The following SYT1 variants were observed in gnomAD, a reference collection of about 807,000 sequenced individuals.
SYT1 encodes synaptotagmin-1.
SYT1 carries 8 observed loss-of-function variants against 44.8 expected under a neutral mutation model. The observed-to-expected ratio is 0.18, with a 90% CI of 0.10 to 0.32. SYT1 has a LOEUF of 0.32. SYT1 is among the 10% of genes least tolerant of loss of function. The pLI, the probability that SYT1 is intolerant of heterozygous loss-of-function variation, is 1.00. For synonymous variants in SYT1, 154 were observed against 188.8 expected (o/e 0.82, Z 1.51); for missense variants, 286 against 509.3 (o/e 0.56, Z 4.22).
intron 1 of SYT1, among the ~76,000 whole-genome samples, chr12:78,929,762 A>T (rs983981522): frequency 6.6e-6 from 1 of 152,122 alleles, no homozygotes; most frequent in Non-Finnish European, 1.5e-5. Flanking sequence ...AACCTAAAAG[A>T]TTGTTCTGCA....
intron 3 of SYT1, among the ~76,000 whole-genome samples, chr12:79,070,006 A>T (rs990518483): frequency 2.6e-5 from 4 of 152,120 alleles, no homozygotes; most frequent in African/African-American, 7.2e-5. Flanking sequence ...GAGTGTTCAA[A>T]TGCCTTTCAT....
intron 8 of SYT1, among the ~76,000 whole-genome samples, chr12:79,301,758 A>T (rs1017229353): frequency 5.3e-5 from 8 of 152,040 alleles, no homozygotes; most frequent in African/African-American, 1.9e-4. Flanking sequence ...TATCTGTAGG[A>T]GTTATTAATG....
chr12:79,213,551 A>G (rs1874593929), intron 3 of SYT1, among the ~76,000 whole-genome samples: 1 of 152,272 alleles, frequency 6.6e-6, no homozygotes, highest in Admixed American at 6.5e-5. Flanking sequence ...CGGGTGCTCA[A>G]TAACTGTTAG....
chr12:79,225,306 C>G (rs1406999348), intron 4 of SYT1, among the ~76,000 whole-genome samples: 1 of 152,124 alleles, frequency 6.6e-6, no homozygotes, highest in Admixed American at 6.5e-5. Flanking sequence ...GTTAATTTGT[C>G]TGTCCACTTT....
At chr12:79,230,930 A>C (rs541281809) in intron 4 of SYT1, among the ~76,000 whole-genome samples, 1 of 152,296 alleles carries the variant, frequency 6.6e-6, no homozygotes, top group Admixed American at 6.5e-5. Flanking sequence ...ACACCATACG[A>C]ATATACTTTA....
At chr12:79,342,363 C>G (rs760212390) in intron 8 of SYT1, among the ~76,000 whole-genome samples, 6 of 152,122 alleles carry the variant, frequency 3.9e-5, no homozygotes, top group Non-Finnish European at 8.8e-5. Context: ...TCCTGAGTCA[C>G]TGGAACCACA....
At chr12:79,003,243 A>G (rs559291440) in intron 2 of SYT1, among the ~76,000 whole-genome samples, 21 of 152,078 alleles carry the variant, frequency 1.4e-4, no homozygotes, top group African/African-American at 4.8e-4. Context: ...AAGTGTTTCT[A>G]TCACATGACA....
chr12:79,026,005 C>T (rs111463543), intron 2 of SYT1, among the ~76,000 whole-genome samples: 5,052 of 151,670 alleles, frequency 0.033, 123 homozygotes, highest in Admixed American at 0.057. Flanking sequence ...TTAAAAAGAT[C>T]CTTGAAATGC....
chr12:78,876,929 T>TTATATATTATACGTATTATATATTA (rs1565698031), intron 1 of SYT1, among the ~76,000 whole-genome samples: 5 of 115,884 alleles, frequency 4.3e-5, no homozygotes, highest in African/African-American at 1.6e-4. Context: ...ATAATATATA[T>TTATATATTATACGTATTATATATTA]TATATATTAT....
intron 9 of SYT1, among the ~76,000 whole-genome samples, chr12:79,406,053 A>G (rs2136123661): frequency 6.6e-6 from 1 of 152,290 alleles, no homozygotes; most frequent in Middle Eastern, 3.4e-3. Flanking sequence ...AAAAAAATTA[A>G]TATGGAAATG....
At chr12:79,391,284 C>T (rs2136094114) in intron 9 of SYT1, among the ~76,000 whole-genome samples, 1 of 152,230 alleles carries the variant, frequency 6.6e-6, no homozygotes, top group African/African-American at 2.4e-5. Context: ...ATTAAAAATA[C>T]CTGGTGGTTA....
At chr12:78,922,933 A>G (rs544795244) in intron 1 of SYT1, among the ~76,000 whole-genome samples, 2 of 151,056 alleles carry the variant, frequency 1.3e-5, no homozygotes, top group South Asian at 4.2e-4. Flanking sequence ...AGTAAGTTGT[A>G]TAGTCAGGAC....
chr12:78,876,726 AATTATAT>A lies in SYT1; in HGVS notation c.-217+11635_-217+11641del, dbSNP rs1312233644. 3.8e-4 allele frequency among the ~76,000 whole-genome samples: 41 copies of A among 108,488 alleles called. No individual in the cohort carries two copies. The East Asian group carries it at 4.3e-3, about 11-fold the overall frequency. 71.2% of individuals were successfully genotyped at this position (108,488 alleles called of 152,430 possible). ...TATTATATAATATATTATATAATAT[AATTATAT>A]ATTATATATTATATATTGTATATTA... is the stretch of plus-strand genomic sequence containing the variant. On this transcript the variant is annotated intron_variant, in intron 1 of 10. Coordinates refer to ENST00000261205, the MANE Select transcript of SYT1 (RefSeq NM_005639.3).
At chr12:78,988,060 G>C (rs745810896) in intron 2 of SYT1, among the ~76,000 whole-genome samples, 2 of 151,922 alleles carry the variant, frequency 1.3e-5, no homozygotes, top group Admixed American at 1.3e-4. Context: ...TTGATTCTAC[G>C]TGGTCAAGAA....
intron 2 of SYT1, among the ~76,000 whole-genome samples, chr12:79,019,274 T>C (rs1041095800): frequency 6.6e-6 from 1 of 152,042 alleles, no homozygotes; most frequent in African/African-American, 2.4e-5. Context: ...ATGAGTATTC[T>C]TTTAATGTCC....
At chr12:79,393,651 TG>T (rs1266422955) in intron 9 of SYT1, 2 of 152,200 alleles carry the variant, frequency 1.3e-5, no homozygotes, top group African/African-American at 4.8e-5. Flanking sequence ...TTGATGGGAT[TG>T]TTTTTTTTCT....
intron 3 of SYT1, among the ~76,000 whole-genome samples, chr12:79,120,183 C>T (rs1016293809): frequency 5.9e-5 from 9 of 151,898 alleles, no homozygotes; most frequent in East Asian, 1.9e-4. Context: ...TCGTATGCGG[C>T]GATGAGAACC....
At chr12:79,015,988 A>G (rs962140559) in intron 2 of SYT1, among the ~76,000 whole-genome samples, 10 of 152,146 alleles carry the variant, frequency 6.6e-5, no homozygotes, top group African/African-American at 2.4e-4. Flanking sequence ...CCCTTCCTGG[A>G]AAATAATTTA....
intron 1 of SYT1, among the ~76,000 whole-genome samples, chr12:78,933,557 A>G (rs1277787611): frequency 1.3e-5 from 2 of 152,096 alleles, no homozygotes; most frequent in Non-Finnish European, 2.9e-5. Context: ...TTTTCACTCT[A>G]CTTGTCAAGT....
Sources: gnomAD v4.1 joint callset for allele counts (sites outside exome capture counted in the v4.1 genomes callset) on GRCh38, gnomAD v4.1.1 for gene constraint, MANE v1.5 for transcripts, NCBI Gene and HGNC (gene_info 2026-07-23, HGNC 2026-07-21) for gene names.